Variants in MGAT4C observed in about 807,000 individuals in gnomAD.
MGAT4C encodes the protein MGAT4 family member C.
MGAT4C carries 19 observed loss-of-function variants against 40.1 expected under a neutral mutation model. The observed-to-expected ratio is 0.47, with a 90% CI of 0.33 to 0.70. The LOEUF (loss-of-function observed/expected upper bound fraction) is 0.70. Among genes scored for constraint, MGAT4C ranks in the 30% least tolerant of loss-of-function variants. The probability of loss-of-function intolerance (pLI) is 0.02; values close to 1 mark genes in which losing one functional copy is unlikely to be tolerated. For synonymous variants in MGAT4C, 181 were observed against 187.1 expected (o/e 0.97, Z 0.27); for missense variants, 491 against 563.2 (o/e 0.87, Z 1.30).
rs1592602667 is a variant in MGAT4C at position 85,983,438 on chromosome 12, C to T, written c.295+85G>A. ...TTATTATATTAGTAAAGCCCTTAAG[C>T]CTTTTTACTATACATGTGAAACTAT... On this transcript the variant is annotated intron_variant, in intron 4 of 4. Coordinates refer to ENST00000611864, the MANE Select transcript of MGAT4C (RefSeq NM_001351288.2). 5 of 1,238,476 alleles carry T rather than the reference C, an allele frequency of 4.0e-6. No individual in the cohort carries two copies. The East Asian group carries it at 1.4e-4, about 34-fold the overall frequency. The allele number at this position is 1,238,476 out of a possible 1,614,324, so 76.7% of individuals were successfully genotyped here. A position where few individuals can be genotyped will look rare whatever the true frequency, so the allele number is the denominator to read the frequency against.
intron 2 of MGAT4C, among the ~76,000 whole-genome samples, chr12:86,605,513 A>G (rs1962012488): frequency 6.6e-6 from 1 of 151,972 alleles, no homozygotes; most frequent in South Asian, 2.1e-4. Flanking sequence ...TAGTCTCCAT[A>G]TTTTTCTGAG....
intron 2 of MGAT4C, among the ~76,000 whole-genome samples, chr12:85,992,783 G>A (rs548947243): frequency 2.2e-4 from 33 of 152,208 alleles, no homozygotes; most frequent in African/African-American, 7.7e-4. Context: ...GAGGGCAAAT[G>A]GTCCAAGGTC....
chr12:86,773,539 TA>T (rs1254375370), intron 1 of MGAT4C, among the ~76,000 whole-genome samples: 1 of 152,172 alleles, frequency 6.6e-6, no homozygotes, highest in Admixed American at 6.6e-5. Flanking sequence ...AAAAACTTCT[TA>T]ATATTTTCCT....
chr12:86,460,185 T>A (rs370812983), intron 2 of MGAT4C, among the ~76,000 whole-genome samples: 1 of 152,066 alleles, frequency 6.6e-6, no homozygotes, highest in Non-Finnish European at 1.5e-5. Flanking sequence ...CCATCTCTAA[T>A]GAAAACCTCA....
rs12306673 is a variant in MGAT4C at position 86,296,629 on chromosome 12, C to T, written c.-57+37436G>A. Among the ~76,000 whole-genome samples the T allele has an allele frequency of 7.8e-3, 1,195 of 152,320 alleles. 23 individuals are homozygous for T. Among genetic ancestry groups the T allele is most frequent in the African/African-American group, 0.027 (1,143 of 41,584 alleles). ...CTGCTGGGGGTCCCAGTACACCCTC[C>T]GCAGCCGCTGGCCCGGGTGCTAAGC... On this transcript the variant is annotated intron_variant, in intron 4 of 7. Transcript: ENST00000548651.
intron 2 of MGAT4C, among the ~76,000 whole-genome samples, chr12:86,019,574 T>C (rs1295482212): frequency 6.6e-6 from 1 of 152,188 alleles, no homozygotes; most frequent in East Asian, 1.9e-4. Flanking sequence ...ACATAATACA[T>C]GCTGTTTTGG....
chr12:86,122,264 A>G (rs1054434799), intron 1 of MGAT4C, among the ~76,000 whole-genome samples: 1 of 152,168 alleles, frequency 6.6e-6, no homozygotes. Flanking sequence ...TAGTAAAAAT[A>G]CATATTCCAC....
At chr12:86,101,385 T>A (rs1023544327) in intron 1 of MGAT4C, among the ~76,000 whole-genome samples, 1 of 151,806 alleles carries the variant, frequency 6.6e-6, no homozygotes, top group African/African-American at 2.4e-5. Flanking sequence ...TTACAAAGAA[T>A]AAGTATTAAA....
chr12:86,711,517 C>T (rs1343013168), intron 2 of MGAT4C, among the ~76,000 whole-genome samples: 1 of 152,084 alleles, frequency 6.6e-6, no homozygotes, highest in Non-Finnish European at 1.5e-5. Context: ...TATAGATGGT[C>T]ACTACACTGT....
At chr12:86,836,154 C>T (rs1333966652) in intron 1 of MGAT4C, among the ~76,000 whole-genome samples, 1 of 151,996 alleles carries the variant, frequency 6.6e-6, no homozygotes, top group Non-Finnish European at 1.5e-5. Flanking sequence ...ATCACCAATC[C>T]TATTTTCTGT....
rs200092757 is a variant in MGAT4C at position 86,780,630 on chromosome 12, C to T, written c.-261-53389G>A. Among the ~76,000 whole-genome samples the T allele has an allele frequency of 6.6e-5, 10 of 152,270 alleles. No homozygotes were observed. The East Asian group carries it at 1.5e-3, about 24-fold the overall frequency. On this transcript the variant is annotated intron_variant, in intron 1 of 7. Coordinates refer to the MGAT4C transcript ENST00000548651. ...TTTCCTGAGCCTCTCAGCCATGCTT[C>T]GTGTACAGCCTACAGTTCTACGAAT...
intron 2 of MGAT4C, among the ~76,000 whole-genome samples, chr12:86,460,792 G>A (rs1315466720): frequency 1.3e-5 from 2 of 151,868 alleles, no homozygotes; most frequent in Non-Finnish European, 2.9e-5. Context: ...TCTAATTCAC[G>A]ACAGTTAAAT....
chr12:86,168,351 T>G (rs957269776), intron 1 of MGAT4C, among the ~76,000 whole-genome samples: 15 of 152,206 alleles, frequency 9.9e-5, no homozygotes, highest in African/African-American at 3.4e-4. Context: ...TCAAGACATG[T>G]GCCTTCCAAT....
At chr12:86,281,755 A>C (rs116104010) in intron 4 of MGAT4C, among the ~76,000 whole-genome samples, 3 of 151,982 alleles carry the variant, frequency 2.0e-5, no homozygotes, top group African/African-American at 7.3e-5. Flanking sequence ...CTGCATTCTT[A>C]TCATGCAGTA....
intron 3 of MGAT4C, among the ~76,000 whole-genome samples, chr12:86,394,301 G>T (rs1434782517): frequency 6.6e-6 from 1 of 151,602 alleles, no homozygotes; most frequent in African/African-American, 2.4e-5. Flanking sequence ...AGATACCTTG[G>T]GTAAAATTGG....
At chr12:86,164,531 T>C (rs931357731) in intron 1 of MGAT4C, among the ~76,000 whole-genome samples, 4 of 152,168 alleles carry the variant, frequency 2.6e-5, no homozygotes, top group Non-Finnish European at 4.4e-5. Flanking sequence ...AATCAACTAG[T>C]CACTAAATAG....
chr12:86,068,011 C>T (rs1056557619), intron 1 of MGAT4C: 20 of 152,268 alleles, frequency 1.3e-4, no homozygotes, highest in Non-Finnish European at 1.0e-4. Context: ...TCCTCAGGTC[C>T]TTTTAAGCCT....
chr12:86,805,036 A>G (rs1180032280), intron 1 of MGAT4C, among the ~76,000 whole-genome samples: 1 of 152,000 alleles, frequency 6.6e-6, no homozygotes, highest in Non-Finnish European at 1.5e-5. Context: ...ATTTCTCTAC[A>G]AAGTGTTTGT....
intron 2 of MGAT4C, among the ~76,000 whole-genome samples, chr12:86,669,210 C>T (rs1283833361): frequency 1.3e-5 from 2 of 152,092 alleles, no homozygotes; most frequent in African/African-American, 2.4e-5. Flanking sequence ...CTTAGTGCAA[C>T]AGGGCCTTCT....
Sources: allele counts gnomAD v4.1 joint callset (sites outside exome capture counted in the v4.1 genomes callset), GRCh38; gene constraint gnomAD v4.1.1; transcripts MANE v1.5; gene names NCBI Gene and HGNC (gene_info 2026-07-23, HGNC 2026-07-21).